The following LDB2 variants were observed in gnomAD, a reference collection of about 807,000 sequenced individuals.
The protein encoded by LDB2 is LIM domain binding 2, also known as LIM domain-binding protein 2.
A neutral mutation model predicts 44.3 loss-of-function variants in LDB2; 12 were observed. The observed-to-expected ratio is 0.27, with a 90% CI of 0.17 to 0.44. LDB2 has a LOEUF of 0.44. Among genes scored for constraint, LDB2 ranks in the 20% least tolerant of loss-of-function variants. The probability of loss-of-function intolerance (pLI) is 1.00; values close to 1 mark genes in which losing one functional copy is unlikely to be tolerated. For missense variants in LDB2, 344 were observed against 473.5 expected, an observed-to-expected ratio of 0.73 and a Z score of 2.54; for synonymous variants, 164 against 174.8, an observed-to-expected ratio of 0.94 and a Z score of 0.49.
rs1299731742 is a variant in LDB2 at position 16,773,598 on chromosome 4, G to T, written c.133-14338C>A. On this transcript the variant is annotated intron_variant, in intron 1 of 7. Coordinates refer to ENST00000304523, the MANE Select transcript of LDB2 (RefSeq NM_001290.5). ...GGAGGTGCAGCTCAGGCAGTAATGT[G>T]AGTGATGGGGGAGCGGCTGTAAATA... Among the ~76,000 whole-genome samples the T allele has an allele frequency of 2.0e-5, 3 of 152,294 alleles. 1 individual carries two copies. The highest frequency in any genetic ancestry group is 4.4e-5 in the Non-Finnish European group (3 of 68,032).
At chr4:16,886,923 C>G (rs1721863988) in intron 1 of LDB2, among the ~76,000 whole-genome samples, 2 of 149,924 alleles carry the variant, frequency 1.3e-5, no homozygotes. Flanking sequence ...GTCCCAGCTA[C>G]TCGTGAGGCT....
chr4:16,825,980 A>G (rs1044184281), intron 1 of LDB2, among the ~76,000 whole-genome samples: 1 of 151,574 alleles, frequency 6.6e-6, no homozygotes, highest in East Asian at 1.9e-4. Context: ...TATATTCATT[A>G]TATATTATCA....
intron 2 of LDB2, among the ~76,000 whole-genome samples, chr4:16,682,982 T>A (rs1480308168): frequency 6.6e-6 from 1 of 152,212 alleles, no homozygotes; most frequent in African/African-American, 2.4e-5. Flanking sequence ...CTGGGACATG[T>A]CCTTTAATGA....
intron 2 of LDB2, among the ~76,000 whole-genome samples, chr4:16,649,505 G>C (rs1237319602): frequency 6.6e-6 from 1 of 152,154 alleles, no homozygotes; most frequent in Non-Finnish European, 1.5e-5. Context: ...AGTAGATTAA[G>C]TTAGTACACA....
chr4:16,621,225 A>G (rs888958781), intron 2 of LDB2, among the ~76,000 whole-genome samples: 2 of 152,230 alleles, frequency 1.3e-5, no homozygotes, highest in African/African-American at 4.8e-5. Flanking sequence ...CCAACTGCCC[A>G]GTTTCAGGTT....
At chr4:16,590,388 G>A (rs1181590074) in intron 3 of LDB2, among the ~76,000 whole-genome samples, 8 of 152,196 alleles carry the variant, frequency 5.3e-5, no homozygotes. Context: ...GTAAGTATTT[G>A]TAAAACTATA....
chr4:16,562,725 C>T (rs1742867932), intron 5 of LDB2, among the ~76,000 whole-genome samples: 1 of 152,176 alleles, frequency 6.6e-6, no homozygotes, highest in South Asian at 2.1e-4. Context: ...GGTACATACC[C>T]AAAGGACTAT....
At chr4:16,826,606 C>T (rs552107089) in intron 1 of LDB2, 2 of 152,242 alleles carry the variant, frequency 1.3e-5, no homozygotes, top group South Asian at 2.1e-4. Context: ...AGGCTCCTCC[C>T]GCAAAAGGTT....
At chr4:16,668,329 C>T (rs998114247) in intron 2 of LDB2, among the ~76,000 whole-genome samples, 1 of 152,178 alleles carries the variant, frequency 6.6e-6, no homozygotes, top group African/African-American at 2.4e-5. Flanking sequence ...GGTTGAGGAG[C>T]CCAGCCTAAA....
At chr4:16,566,876 T>G (rs1306634615) in intron 5 of LDB2, among the ~76,000 whole-genome samples, 1 of 152,170 alleles carries the variant, frequency 6.6e-6, no homozygotes, top group Non-Finnish European at 1.5e-5. Context: ...AAGTGGCTCT[T>G]AAGTATATGA....
At chr4:16,728,419 G>C (rs1444805602) in intron 2 of LDB2, among the ~76,000 whole-genome samples, 3 of 152,082 alleles carry the variant, frequency 2.0e-5, no homozygotes, top group Non-Finnish European at 4.4e-5. Flanking sequence ...TAGATGGATG[G>C]ATAGATAATT....
At chr4:16,865,098 A>G (rs1425519943) in intron 1 of LDB2, among the ~76,000 whole-genome samples, 1 of 150,838 alleles carries the variant, frequency 6.6e-6, no homozygotes, top group Admixed American at 6.6e-5. Context: ...TAAAAATACA[A>G]AAAATTAACT....
At chr4:16,823,611 G>A (rs137997384) in intron 1 of LDB2, among the ~76,000 whole-genome samples, 1 of 152,296 alleles carries the variant, frequency 6.6e-6, no homozygotes, top group East Asian at 1.9e-4. Flanking sequence ...TGCACCCATA[G>A]TACCAGGCTT....
chr4:16,546,905 C>T (rs1735970021), intron 5 of LDB2, among the ~76,000 whole-genome samples: 1 of 152,186 alleles, frequency 6.6e-6, no homozygotes, highest in African/African-American at 2.4e-5. Context: ...CCCCACTCTT[C>T]TGCTCTAGGT....
intron 2 of LDB2, among the ~76,000 whole-genome samples, chr4:16,649,138 A>G (rs1737579681): frequency 6.6e-6 from 1 of 152,252 alleles, no homozygotes; most frequent in Non-Finnish European, 1.5e-5. Context: ...CTCTTGGTAG[A>G]ACCCTAGTGG....
intron 2 of LDB2, among the ~76,000 whole-genome samples, chr4:16,723,507 A>G (rs1758766758): frequency 6.6e-6 from 1 of 152,212 alleles, no homozygotes; most frequent in Non-Finnish European, 1.5e-5. Flanking sequence ...CAACATGGCT[A>G]CACTGGGAAT....
chr4:16,844,832 T>C (rs1347085471), intron 1 of LDB2, among the ~76,000 whole-genome samples: 1 of 152,210 alleles, frequency 6.6e-6, no homozygotes. Flanking sequence ...CCTAATGTTT[T>C]CTTCCACCTG....
chr4:16,551,314 A>G (rs1308954033), intron 5 of LDB2, among the ~76,000 whole-genome samples: 1 of 152,190 alleles, frequency 6.6e-6, no homozygotes, highest in Non-Finnish European at 1.5e-5. Flanking sequence ...AAAACATTTC[A>G]TACAATTTTT....
intron 1 of LDB2, among the ~76,000 whole-genome samples, chr4:16,791,569 A>AAAAAAAAAAAAAAAAAAAAAAAC: frequency 1.3e-5 from 2 of 150,820 alleles, no homozygotes; most frequent in Non-Finnish European, 3.0e-5. Flanking sequence ...AAAAAAAAAA[A>AAAAAAAAAAAAAAAAAAAAAAAC]AAAGAAAGAC....
Sources: allele counts gnomAD v4.1 joint callset (sites outside exome capture counted in the v4.1 genomes callset), GRCh38; gene constraint gnomAD v4.1.1; transcripts MANE v1.5; gene names NCBI Gene and HGNC (gene_info 2026-07-23, HGNC 2026-07-21).